Variants in SOX5 observed in about 807,000 individuals in gnomAD.
SOX5 encodes the protein transcription factor SOX-5.
A neutral mutation model predicts 92.0 loss-of-function variants in SOX5; 9 were observed. That is an observed-to-expected ratio of 0.10 (90% CI 0.06 to 0.17). The LOEUF is 0.17. SOX5 is among the 10% of genes least tolerant of loss of function. The pLI is 1.00. For missense variants in SOX5, 642 were observed against 944.5 expected (o/e 0.68, Z 4.20); for synonymous variants, 344 against 336.3 (o/e 1.02, Z -0.25).
chr12:24,355,279 CATCTTTTTTTTTTTTTTT>C (rs1954663731), intron 2 of SOX5, among the ~76,000 whole-genome samples: 1 of 95,610 alleles, frequency 1.0e-5, no homozygotes, highest in Non-Finnish European at 2.0e-5. Flanking sequence ...GTGAGGGGTG[CATCTTTTTTTTTTTTTTT>C]TTTTTTTTTT....
Position 23,716,138 on chromosome 12 carries a change from G to A in SOX5, c.810+18546C>T, listed in dbSNP as rs186578947. On this transcript the variant is annotated intron_variant, in intron 6 of 14. Coordinates refer to ENST00000451604, the MANE Select transcript of SOX5 (RefSeq NM_006940.6). Reference sequence around the variant, plus strand: ...GATGAAAAGAAATTTTTGGTAAATCGTGTAACTTAGTGTGCTTATATGCAA... The same window carrying A: ...GATGAAAAGAAATTTTTGGTAAATCATGTAACTTAGTGTGCTTATATGCAA... 9.3e-4 allele frequency among the ~76,000 whole-genome samples: 141 copies of A among 152,282 alleles called. 1 individual carries two copies. In the East Asian group the frequency reaches 0.024, roughly 26 times the overall value.
intron 1 of SOX5, among the ~76,000 whole-genome samples, chr12:24,465,588 C>T (rs1461287848): frequency 1.3e-5 from 2 of 152,168 alleles, no homozygotes; most frequent in Admixed American, 6.5e-5. Flanking sequence ...AAGCAGGTAA[C>T]GGACACATAT....
intron 1 of SOX5, among the ~76,000 whole-genome samples, chr12:24,488,197 T>C (rs1946711503): frequency 6.6e-6 from 1 of 152,100 alleles, no homozygotes; most frequent in South Asian, 2.1e-4. Context: ...AAAAAAATTA[T>C]TCAACTCTTT....
intron 4 of SOX5, among the ~76,000 whole-genome samples, chr12:23,754,571 T>C (rs2094302712): frequency 6.6e-6 from 1 of 151,802 alleles, no homozygotes; most frequent in African/African-American, 2.4e-5. Context: ...CCTAAATACA[T>C]GTAATTCCAA....
chr12:24,469,574 C>T (rs139700997), intron 1 of SOX5, among the ~76,000 whole-genome samples: 272 of 152,228 alleles, frequency 1.8e-3, no homozygotes, highest in African/African-American at 6.3e-3. Flanking sequence ...CAGAGAGAAC[C>T]ACTTTCTATG....
rs983739886 is a variant in SOX5 at position 23,675,995 on chromosome 12, T to C, written c.811-10431A>G. Among the ~76,000 whole-genome samples, 21 of 152,248 alleles carry C rather than the reference T, an allele frequency of 1.4e-4. 1 individual carries two copies. The highest frequency in any genetic ancestry group is 5.1e-4 in the African/African-American group (21 of 41,566). On this transcript the variant is annotated intron_variant, in intron 6 of 14. Transcript: ENST00000451604. ...TTATCAAAAAGACAGGAGATAAATGTTGGCAAGCGTATAGAGAAAAGGGAA... is the reference window on the plus strand; with the variant it reads ...TTATCAAAAAGACAGGAGATAAATGCTGGCAAGCGTATAGAGAAAAGGGAA...
At position 23,611,373 on chromosome 12, in the gene SOX5, T is replaced by C. The variant is rs976366771; in HGVS notation, c.1018-6840A>G. Among the ~76,000 whole-genome samples the C allele has an allele frequency of 3.8e-5, 5 of 129,982 alleles. No individual in the cohort carries two copies. The South Asian group carries it at 7.3e-4, about 19-fold the overall frequency. 85.3% of individuals were successfully genotyped at this position (129,982 alleles called of 152,430 possible). On this transcript the variant is annotated intron_variant, in intron 8 of 14. Transcript: ENST00000451604. ...TCCATCGTGTGTGTGTGTGTGCGTGTGTGTGTGTGTGTGTGTGTGTGTATT... is the reference window on the plus strand; with the variant it reads ...TCCATCGTGTGTGTGTGTGTGCGTGCGTGTGTGTGTGTGTGTGTGTGTATT...
At chr12:24,314,351 A>T (rs1949497860) in intron 2 of SOX5, among the ~76,000 whole-genome samples, 1 of 133,294 alleles carries the variant, frequency 7.5e-6, no homozygotes, top group Non-Finnish European at 1.6e-5. Flanking sequence ...AACATCACAC[A>T]TCAGAGCCTG....
At chr12:24,448,591 TAATA>T (rs904321354) in intron 1 of SOX5, among the ~76,000 whole-genome samples, 1 of 152,166 alleles carries the variant, frequency 6.6e-6, no homozygotes, top group African/African-American at 2.4e-5. Flanking sequence ...TACCACCACT[TAATA>T]AATAAGAGGA....
chr12:24,483,801 A>G (rs985216006), intron 1 of SOX5, among the ~76,000 whole-genome samples: 1 of 152,226 alleles, frequency 6.6e-6, no homozygotes, highest in Admixed American at 6.5e-5. Flanking sequence ...AACTGCACAC[A>G]TAAAGCTTAT....
chr12:24,188,436 T>C (rs969240975), intron 4 of SOX5, among the ~76,000 whole-genome samples: 4 of 152,182 alleles, frequency 2.6e-5, no homozygotes, highest in African/African-American at 9.7e-5. Context: ...CAAGTATTTA[T>C]TCAATACTTA....
At chr12:24,474,865 T>C (rs1945194870) in intron 1 of SOX5, among the ~76,000 whole-genome samples, 1 of 151,472 alleles carries the variant, frequency 6.6e-6, no homozygotes, top group Non-Finnish European at 1.5e-5. Flanking sequence ...TGAGAGTTTT[T>C]TTTTGAGATG....
At chr12:23,604,898 C>T (rs2075043400) in intron 8 of SOX5, among the ~76,000 whole-genome samples, 1 of 152,126 alleles carries the variant, frequency 6.6e-6, no homozygotes, top group Non-Finnish European at 1.5e-5. Context: ...GCTTCATATA[C>T]ACAGTAATTT....
intron 6 of SOX5, among the ~76,000 whole-genome samples, chr12:23,671,885 T>C (rs1022091729): frequency 4.6e-5 from 7 of 152,204 alleles, no homozygotes; most frequent in African/African-American, 1.7e-4. Flanking sequence ...AGAACAAAAA[T>C]GAACAGCCAT....
At chr12:24,555,106 G>A (rs1434076079) in intron 1 of SOX5, among the ~76,000 whole-genome samples, 2 of 152,216 alleles carry the variant, frequency 1.3e-5, no homozygotes, top group African/African-American at 4.8e-5. Flanking sequence ...GCAGGAGCTC[G>A]CGCTGAGGGC....
chr12:23,765,385 CAAAAAAAAAAA>C (rs373571301), intron 3 of SOX5, among the ~76,000 whole-genome samples: 3 of 31,430 alleles, frequency 9.5e-5, no homozygotes, highest in East Asian at 2.3e-3. Context: ...TGTAAAACAG[CAAAAAAAAAAA>C]AAAAAAAAAA....
At chr12:24,318,070 G>T (rs1949862906) in intron 2 of SOX5, among the ~76,000 whole-genome samples, 1 of 152,004 alleles carries the variant, frequency 6.6e-6, no homozygotes, top group South Asian at 2.1e-4. Flanking sequence ...AATTAGCTGG[G>T]CATGGGCACC....
At chr12:24,361,762 C>A (rs1328528133) in intron 2 of SOX5, among the ~76,000 whole-genome samples, 1 of 152,170 alleles carries the variant, frequency 6.6e-6, no homozygotes, top group Non-Finnish European at 1.5e-5. Context: ...ACAGGACAAA[C>A]TGAGCCCTGT....
chr12:23,677,671 A>G (rs1300777851), intron 6 of SOX5, among the ~76,000 whole-genome samples: 2 of 152,134 alleles, frequency 1.3e-5, no homozygotes, highest in African/African-American at 4.8e-5. Flanking sequence ...GGTAAATGTG[A>G]TTATCCTGCT....
Sources: allele counts gnomAD v4.1 joint callset (sites outside exome capture counted in the v4.1 genomes callset), GRCh38; gene constraint gnomAD v4.1.1; transcripts MANE v1.5; gene names NCBI Gene and HGNC (gene_info 2026-07-23, HGNC 2026-07-21).